Variants in XKR4 observed in about 807,000 individuals in gnomAD.
XKR4 encodes the protein XK related 4, also known as XK-related protein 4.
Under a neutral mutation model 53.9 loss-of-function variants are expected in XKR4, and 12 were observed. That is an observed-to-expected ratio of 0.22 (90% CI 0.14 to 0.36). The LOEUF (loss-of-function observed/expected upper bound fraction) is 0.36. XKR4 is among the 10% of genes least tolerant of loss of function. XKR4 has a pLI of 1.00. For synonymous variants in XKR4, 354 were observed against 362.4 expected (o/e 0.98, Z 0.26); for missense variants, 799 against 859.5 (o/e 0.93, Z 0.88).
chr8:55,325,814 T>G (rs1803283040), intron 1 of XKR4, among the ~76,000 whole-genome samples: 1 of 152,222 alleles, frequency 6.6e-6, no homozygotes. Flanking sequence ...TAAGAGACAC[T>G]ATACAAATGG....
intron 1 of XKR4, among the ~76,000 whole-genome samples, chr8:55,158,187 TA>T (rs1816934890): frequency 6.6e-6 from 1 of 152,228 alleles, no homozygotes; most frequent in Non-Finnish European, 1.5e-5. Flanking sequence ...TTTGACTTTT[TA>T]ATAGCCATTC....
intron 1 of XKR4, chr8:55,140,167 A>T: frequency 2.3e-6 from 1 of 433,416 alleles, no homozygotes; most frequent in African/African-American, 2.0e-5. Flanking sequence ...ATCTTGACTG[A>T]GTGTCTTTTC....
chr8:55,143,295 T>G (rs2129354489), intron 1 of XKR4, among the ~76,000 whole-genome samples: 1 of 152,308 alleles, frequency 6.6e-6, no homozygotes, highest in South Asian at 2.1e-4. Context: ...AACTGCTGGG[T>G]CCTAAAGTGT....
intron 1 of XKR4, among the ~76,000 whole-genome samples, chr8:55,169,003 G>T (rs567348941): frequency 6.6e-6 from 1 of 152,062 alleles, no homozygotes; most frequent in Admixed American, 6.5e-5. Context: ...AAATTGATAG[G>T]TTTATTTGTT....
At chr8:55,369,480 CAGAG>C (rs1279986440) in intron 2 of XKR4, among the ~76,000 whole-genome samples, 1 of 105,780 alleles carries the variant, frequency 9.5e-6, no homozygotes, top group African/African-American at 3.9e-5. Flanking sequence ...GAGGGGAGGA[CAGAG>C]AGAGAGAAAG....
chr8:55,179,638 A>G (rs1238860932), intron 1 of XKR4, among the ~76,000 whole-genome samples: 1 of 152,212 alleles, frequency 6.6e-6, no homozygotes, highest in African/African-American at 2.4e-5. Flanking sequence ...CTTGAGGTAG[A>G]GTATTTATTC....
chr8:55,540,127 A>G lies in XKR4; in HGVS notation c.*15900A>G, dbSNP rs1245559326. On this transcript the variant is annotated 3_prime_UTR_variant, in exon 3 of 3. Transcript: ENST00000327381. ...ATGGAACTCTCCAGAGCCCTCCTTG[A>G]AAGTTTTTAGAAAAACTACCATTTT... The G allele has an allele frequency of 6.6e-6, 1 of 152,236 alleles. No individual in the cohort carries two copies. Among genetic ancestry groups the G allele is most frequent in the Non-Finnish European group, 1.5e-5 (1 of 68,042 alleles). 9.4% of individuals were successfully genotyped at this position (152,236 alleles called of 1,614,324 possible).
chr8:55,334,925 C>A (rs1803437727), intron 1 of XKR4, among the ~76,000 whole-genome samples: 1 of 152,186 alleles, frequency 6.6e-6, no homozygotes, highest in Non-Finnish European at 1.5e-5. Flanking sequence ...TGGATGACTT[C>A]ATACTGTTTC....
At chr8:55,193,179 C>T (rs1467658407) in intron 1 of XKR4, among the ~76,000 whole-genome samples, 1 of 152,128 alleles carries the variant, frequency 6.6e-6, no homozygotes, top group Non-Finnish European at 1.5e-5. Flanking sequence ...CTGTGTGTTG[C>T]CTGAGAAGAA....
chr8:55,182,989 A>T (rs1416543513), intron 1 of XKR4, among the ~76,000 whole-genome samples: 1 of 152,016 alleles, frequency 6.6e-6, no homozygotes, highest in African/African-American at 2.4e-5. Context: ...TTGGTAGTTT[A>T]TGTCTTTCAG....
rs571354076 is a variant in XKR4, at chr8:55,142,974, G to A, written c.806+39680G>A. ...CCATGAGCATGGCTTCTAATACTCT[G>A]AATTCATTTGCCTTTTTTTTTTAGC... On this transcript the variant is annotated intron_variant, in intron 1 of 2. Coordinates refer to ENST00000327381, the MANE Select transcript of XKR4 (RefSeq NM_052898.2). Among the ~76,000 whole-genome samples, 30 of 152,160 alleles carry A rather than the reference G, an allele frequency of 2.0e-4. 1 individual carries two copies. In the South Asian group the frequency reaches 6.0e-3, roughly 31 times the overall value.
At chr8:55,379,577 T>C (rs1804202029) in intron 2 of XKR4, among the ~76,000 whole-genome samples, 1 of 152,222 alleles carries the variant, frequency 6.6e-6, no homozygotes, top group Admixed American at 6.5e-5. Context: ...TTACAACAAA[T>C]GCGCTCTGGG....
intron 1 of XKR4, among the ~76,000 whole-genome samples, chr8:55,125,334 GATT>G (rs2129352415): frequency 2.6e-4 from 1 of 3,856 alleles, no homozygotes; most frequent in Non-Finnish European, 5.0e-4. Flanking sequence ...GGGTTCAAGC[GATT>G]GATTCTCCTG....
intron 1 of XKR4, among the ~76,000 whole-genome samples, chr8:55,340,189 A>C (rs1031995288): frequency 6.6e-6 from 1 of 152,278 alleles, no homozygotes; most frequent in African/African-American, 2.4e-5. Context: ...CAAGAACAAA[A>C]GAAATGGTTT....
At chr8:55,366,997 C>T (rs1344812853) in intron 2 of XKR4, among the ~76,000 whole-genome samples, 3 of 152,124 alleles carry the variant, frequency 2.0e-5, no homozygotes, top group East Asian at 1.9e-4. Flanking sequence ...ACTTCCTATC[C>T]TCTGTTTTTG....
At chr8:55,128,577 A>C (rs1486274259) in intron 1 of XKR4, among the ~76,000 whole-genome samples, 1 of 152,206 alleles carries the variant, frequency 6.6e-6, no homozygotes, top group Admixed American at 6.5e-5. Context: ...ATCTTGTAAA[A>C]GCACCACACT....
chr8:55,494,373 C>T (rs1311444566), intron 2 of XKR4, among the ~76,000 whole-genome samples: 1 of 152,252 alleles, frequency 6.6e-6, no homozygotes, highest in East Asian at 1.9e-4. Flanking sequence ...CACAGCTCTC[C>T]TCTTCTTTTC....
chr8:55,160,174 G>A (rs1168270723), intron 1 of XKR4, among the ~76,000 whole-genome samples: 1 of 152,200 alleles, frequency 6.6e-6, no homozygotes, highest in Non-Finnish European at 1.5e-5. Context: ...GACCATTGGC[G>A]TGGTTGTATT....
At chr8:55,356,672 C>T (rs1255915213) in intron 1 of XKR4, among the ~76,000 whole-genome samples, 5 of 151,898 alleles carry the variant, frequency 3.3e-5, no homozygotes, top group South Asian at 2.1e-4. Flanking sequence ...ATGTGATGCC[C>T]GGGGTTTGCT....
Sources: allele counts gnomAD v4.1 joint callset (sites outside exome capture counted in the v4.1 genomes callset), GRCh38; gene constraint gnomAD v4.1.1; transcripts MANE v1.5; gene names NCBI Gene and HGNC (gene_info 2026-07-23, HGNC 2026-07-21).